The following RAVER2 variants were observed in gnomAD, a reference collection of about 807,000 sequenced individuals.
RAVER2 encodes ribonucleoprotein PTB-binding 2.
In RAVER2, 46 loss-of-function variants were observed where a neutral mutation model predicts 78.1. That is an observed-to-expected ratio of 0.59 (90% CI 0.46 to 0.75). The LOEUF (loss-of-function observed/expected upper bound fraction) is 0.75. Ranked by LOEUF, RAVER2 falls within the 30% of genes least tolerant of loss-of-function variation. The pLI, the probability that RAVER2 is intolerant of heterozygous loss-of-function variation, is 0.00. For synonymous variants in RAVER2, 311 were observed against 313.3 expected, an observed-to-expected ratio of 0.99 and a Z score of 0.08; for missense variants, 793 against 837.5, an observed-to-expected ratio of 0.95 and a Z score of 0.66.
At chr1:64,759,413 G>T (rs1188754053) in intron 1 of RAVER2, among the ~76,000 whole-genome samples, 1 of 151,290 alleles carries the variant, frequency 6.6e-6, no homozygotes. Flanking sequence ...TAGAGATGGG[G>T]TTTCACCGTG....
chr1:64,814,967 A>G, intron 11 of RAVER2, 127 bp downstream of exon 11: 2 of 789,836 alleles, frequency 2.5e-6, no homozygotes, highest in Non-Finnish European at 3.5e-6. Flanking sequence ...TGATCTATGT[A>G]TTTCTTACTC....
intron 5 of RAVER2, among the ~76,000 whole-genome samples, chr1:64,791,441 G>T (rs1167972677): frequency 6.6e-6 from 1 of 152,068 alleles, no homozygotes; most frequent in East Asian, 1.9e-4. Context: ...CTATCTATGT[G>T]TCCATAATGA....
chr1:64,750,582 G>T (rs951056847), intron 1 of RAVER2, among the ~76,000 whole-genome samples: 6 of 151,974 alleles, frequency 3.9e-5, no homozygotes, highest in African/African-American at 1.4e-4. Context: ...GTATAAAAAA[G>T]AATTATCTTA....
intron 6 of RAVER2, among the ~76,000 whole-genome samples, chr1:64,804,076 T>G (rs1653344333): frequency 6.6e-6 from 1 of 152,148 alleles, no homozygotes; most frequent in African/African-American, 2.4e-5. Flanking sequence ...AGGACCTTGT[T>G]TTTTCCTCCT....
exon 12 of RAVER2, chr1:64,831,728 A>C (rs1377982092): frequency 6.6e-6 from 1 of 152,250 alleles, no homozygotes; most frequent in African/African-American, 2.4e-5. Flanking sequence ...TGCTGCCTGC[A>C]AGCTAAGACT....
At chr1:64,780,326 G>A (rs181059840) in intron 3 of RAVER2, among the ~76,000 whole-genome samples, 1 of 152,304 alleles carries the variant, frequency 6.6e-6, no homozygotes, top group Admixed American at 6.5e-5. Context: ...AGAAGAGGTA[G>A]ATGTTTTTCC....
chr1:64,747,235 A>AT (rs1651563840), intron 1 of RAVER2, among the ~76,000 whole-genome samples: 1 of 151,980 alleles, frequency 6.6e-6, no homozygotes, highest in Non-Finnish European at 1.5e-5. Context: ...ATTTTTTTGT[A>AT]TTTTTTGTTT....
At chr1:64,825,927 A>G (rs1476115204) in intron 11 of RAVER2, among the ~76,000 whole-genome samples, 2 of 152,254 alleles carry the variant, frequency 1.3e-5, no homozygotes, top group Admixed American at 6.5e-5. Context: ...TTGGTGAGCA[A>G]CATTTAAAAG....
At position 64,802,545 on chromosome 1, in the gene RAVER2, A is replaced by G. The variant is rs545109644; in HGVS notation, c.1106-431A>G. Among the ~76,000 whole-genome samples, 39 of 152,248 alleles carry G rather than the reference A, an allele frequency of 2.6e-4. No homozygotes were observed. The East Asian group carries it at 4.0e-3, about 16-fold the overall frequency. On this transcript the variant is annotated intron_variant, in intron 5 of 11. Coordinates refer to ENST00000294428, the Ensembl canonical transcript of RAVER2. ...TATGTAAATATTTTTGTGTACATAT[A>G]TTGTCTTCTCAATTGGATTTTATGT...
intron 5 of RAVER2, among the ~76,000 whole-genome samples, chr1:64,800,785 C>T (rs1653240935): frequency 6.6e-6 from 1 of 152,088 alleles, no homozygotes; most frequent in South Asian, 2.1e-4. Flanking sequence ...GTACTCTGGG[C>T]ACTTCCTCCT....
chr1:64,767,241 T>G (rs1652199211), intron 1 of RAVER2, among the ~76,000 whole-genome samples: 1 of 152,054 alleles, frequency 6.6e-6, no homozygotes, highest in Admixed American at 6.6e-5. Context: ...TCTATATTAC[T>G]CATATGATTA....
chr1:64,766,273 G>A (rs550645722), intron 1 of RAVER2, among the ~76,000 whole-genome samples: 1 of 152,306 alleles, frequency 6.6e-6, no homozygotes, highest in African/African-American at 2.4e-5. Context: ...ATAAAGCTAA[G>A]TTAGTATAGG....
chr1:64,787,303 A>G (rs538064516), intron 4 of RAVER2, among the ~76,000 whole-genome samples: 2 of 152,240 alleles, frequency 1.3e-5, no homozygotes, highest in East Asian at 3.9e-4. Context: ...TGTGGGGGCT[A>G]TCACCTTTCT....
chr1:64,804,989 A>G lies in RAVER2; in HGVS notation c.1297-2A>G. 6.2e-7 allele frequency: 1 copy of G among 1,613,044 alleles called. No homozygotes were observed. The highest frequency in any genetic ancestry group is 8.5e-7 in the Non-Finnish European group (1 of 1,179,642). ...GTCTTACCTTTTTTTCTTCTTTTGTAGAAACCCGGCTTACTTGGAGAGCCC... is the reference window on the plus strand; with the variant it reads ...GTCTTACCTTTTTTTCTTCTTTTGTGGAAACCCGGCTTACTTGGAGAGCCC... On this transcript the variant is annotated splice_acceptor_variant, in intron 7 of 11. Coordinates refer to ENST00000294428, the Ensembl canonical transcript of RAVER2. LOFTEE classifies it high-confidence loss of function.
chr1:64,812,537 T>C (rs12133255), intron 9 of RAVER2, among the ~76,000 whole-genome samples: 10,925 of 152,216 alleles, frequency 0.072, 525 homozygotes, highest in Non-Finnish European at 0.098. Context: ...CTTTTAGTTC[T>C]AAAGTTCTAT....
In RAVER2 at chr1:64,805,006, GGA is replaced by G; in HGVS notation, c.1316_1317del (p.Glu439AlafsTer31). On this transcript the variant is annotated frameshift_variant, in exon 8 of 12. Transcript: ENST00000294428. LOFTEE classifies it high-confidence loss of function. ...TCTTTTGTAGAAACCCGGCTTACTT[GGA>G]GAGCCCCCAGCTGTGGTACTTCAGA... 6.2e-7 allele frequency: 1 copy of G among 1,613,780 alleles called. No homozygotes were observed. Among genetic ancestry groups the G allele is most frequent in the Non-Finnish European group, 8.5e-7 (1 of 1,179,920 alleles).
intron 11 of RAVER2, among the ~76,000 whole-genome samples, chr1:64,822,177 A>G (rs1653905605): frequency 6.6e-6 from 1 of 152,050 alleles, no homozygotes; most frequent in African/African-American, 2.4e-5. Flanking sequence ...AGTCCCAGCT[A>G]CTCGGGAGGC....
intron 2 of RAVER2, among the ~76,000 whole-genome samples, chr1:64,775,223 G>A (rs1281319927): frequency 1.3e-5 from 2 of 152,218 alleles, no homozygotes; most frequent in African/African-American, 4.8e-5. Flanking sequence ...GAAGATATAT[G>A]TGGCACTAAA....
At chr1:64,824,883 A>T (rs900490427) in intron 11 of RAVER2, among the ~76,000 whole-genome samples, 2 of 141,564 alleles carry the variant, frequency 1.4e-5, no homozygotes, top group Admixed American at 1.5e-4. Flanking sequence ...GTGAGCCGAG[A>T]TCCCGCCATT....
Sources: gnomAD v4.1 joint callset for allele counts (sites outside exome capture counted in the v4.1 genomes callset) on GRCh38, gnomAD v4.1.1 for gene constraint, MANE v1.5 for transcripts, NCBI Gene and HGNC (gene_info 2026-07-23, HGNC 2026-07-21) for gene names.